FOXN3: variants seen among roughly 807,000 people sequenced by gnomAD.
FOXN3 encodes the protein forkhead box protein N3.
A neutral mutation model predicts 38.4 loss-of-function variants in FOXN3; 7 were observed. That is an observed-to-expected ratio of 0.18 (90% CI 0.10 to 0.34). FOXN3 has a LOEUF of 0.34. FOXN3 is among the 10% of genes least tolerant of loss of function. The probability of loss-of-function intolerance (pLI) is 1.00; values close to 1 mark genes in which losing one functional copy is unlikely to be tolerated. For missense variants in FOXN3, 456 were observed against 613.4 expected, an observed-to-expected ratio of 0.74 and a Z score of 2.71; for synonymous variants, 230 against 242.2, an observed-to-expected ratio of 0.95 and a Z score of 0.47.
intron 1 of FOXN3, among the ~76,000 whole-genome samples, chr14:89,531,060 T>C (rs761980128): frequency 6.8e-5 from 10 of 147,168 alleles, no homozygotes; most frequent in Admixed American, 1.4e-4. Context: ...TATATACACA[T>C]ATATATTATA....
chr14:89,299,193 C>T (rs928102633), intron 3 of FOXN3, among the ~76,000 whole-genome samples: 6 of 152,216 alleles, frequency 3.9e-5, no homozygotes, highest in Admixed American at 3.3e-4. Context: ...CTGTAATAAT[C>T]CCCAAGTGTC....
At chr14:89,410,123 A>C (rs906343181) in intron 2 of FOXN3, among the ~76,000 whole-genome samples, 17 of 150,636 alleles carry the variant, frequency 1.1e-4, no homozygotes, top group Non-Finnish European at 2.1e-4. Flanking sequence ...CATCTCAAAC[A>C]GAAACCGAGT....
At chr14:89,551,102 C>T (rs1596314902) in intron 1 of FOXN3, among the ~76,000 whole-genome samples, 1 of 152,100 alleles carries the variant, frequency 6.6e-6, no homozygotes, top group Non-Finnish European at 1.5e-5. Context: ...GTTCCTTGCC[C>T]GGGATAGAGG....
chr14:89,444,007 C>A (rs1167471059), intron 1 of FOXN3, among the ~76,000 whole-genome samples: 222 of 67,592 alleles, frequency 3.3e-3, no homozygotes, highest in Middle Eastern at 0.02. Flanking sequence ...GAAACTCTGT[C>A]AAAAAAAAAA....
At chr14:89,398,725 C>A (rs1018520600) in intron 2 of FOXN3, among the ~76,000 whole-genome samples, 2 of 152,180 alleles carry the variant, frequency 1.3e-5, no homozygotes, top group Non-Finnish European at 1.5e-5. Flanking sequence ...TGGCTTAACA[C>A]CTGTAATCCC....
At chr14:89,306,911 G>A (rs527666544) in intron 3 of FOXN3, among the ~76,000 whole-genome samples, 70 of 151,990 alleles carry the variant, frequency 4.6e-4, no homozygotes, top group African/African-American at 1.5e-3. Flanking sequence ...CATTTTATTG[G>A]GACACAACAC....
At chr14:89,287,109 A>T (rs1038641627) in intron 3 of FOXN3, among the ~76,000 whole-genome samples, 1 of 152,102 alleles carries the variant, frequency 6.6e-6, no homozygotes, top group Non-Finnish European at 1.5e-5. Flanking sequence ...ATGGGGGAAA[A>T]AAATTGCTTT....
intron 5 of FOXN3, among the ~76,000 whole-genome samples, chr14:89,165,861 G>T (rs1396029198): frequency 6.6e-6 from 1 of 152,202 alleles, no homozygotes; most frequent in Non-Finnish European, 1.5e-5. Flanking sequence ...AAGTATACTT[G>T]AAAGAGTAAA....
intron 2 of FOXN3, among the ~76,000 whole-genome samples, chr14:89,360,784 C>T (rs1889503489): frequency 1.3e-5 from 1 of 79,192 alleles, no homozygotes; most frequent in Non-Finnish European, 2.8e-5. Context: ...TCCACCACCA[C>T]CTCCACCACC....
chr14:89,446,087 C>CAAAA lies in FOXN3; in HGVS notation c.-14-33601_-14-33598dup, dbSNP rs576883864. Among the ~76,000 whole-genome samples the CAAAA allele has an allele frequency of 2.6e-3, 105 of 40,102 alleles. 3 individuals carry two copies. Among genetic ancestry groups the CAAAA allele is most frequent in the African/African-American group, 3.7e-3 (43 of 11,748 alleles). 26.3% of individuals were successfully genotyped at this position (40,102 alleles called of 152,430 possible). On this transcript the variant is annotated intron_variant, in intron 1 of 6. Transcript: ENST00000345097. ...TGGGTAACAGAGCGAGACCCTGCCT[C>CAAAA]AAAAAAAAAAAAAAAAAAAAAAAAT... is the stretch of plus-strand genomic sequence containing the variant.
chr14:89,360,792 A>T (rs1320245208), intron 2 of FOXN3, among the ~76,000 whole-genome samples: 3 of 105,038 alleles, frequency 2.9e-5, no homozygotes, highest in African/African-American at 4.7e-5. Flanking sequence ...CACCTCCACC[A>T]CCACCACCTC....
intron 4 of FOXN3, among the ~76,000 whole-genome samples, chr14:89,262,865 C>T (rs1885850153): frequency 6.6e-6 from 1 of 152,186 alleles, no homozygotes; most frequent in South Asian, 2.1e-4. Context: ...AAATGGTTCA[C>T]TGAACTGACA....
chr14:89,441,922 CTTTTTTTT>C (rs35118856), intron 1 of FOXN3, among the ~76,000 whole-genome samples: 15 of 75,412 alleles, frequency 2.0e-4, no homozygotes, highest in Non-Finnish European at 3.5e-4. Context: ...AACCGGCTGA[CTTTTTTTT>C]TTTTTTTTTT....
At chr14:89,572,429 AT>A (rs1301334673) in intron 1 of FOXN3, among the ~76,000 whole-genome samples, 40 of 152,358 alleles carry the variant, frequency 2.6e-4, no homozygotes, top group African/African-American at 9.6e-4. Context: ...AAGTTTAGAC[AT>A]GCTCATAGGA....
At position 89,257,648 on chromosome 14, in the gene FOXN3, G is replaced by A. The variant is rs114840726; in HGVS notation, c.745+23302C>T. Among the ~76,000 whole-genome samples the A allele has an allele frequency of 7.2e-3, 1,103 of 152,266 alleles. 19 individuals are homozygous for A. Among genetic ancestry groups the A allele is most frequent in the African/African-American group, 0.025 (1,029 of 41,540 alleles). On this transcript the variant is annotated intron_variant, in intron 4 of 5. Transcript: ENST00000557258. ...ACCTATAGTCCTAGCTTCTTGGGAG[G>A]CTGAGGCAGGAGGATCATTTGAGCA...
chr14:89,579,685 C>T (rs1448184165), intron 1 of FOXN3, among the ~76,000 whole-genome samples: 1 of 152,162 alleles, frequency 6.6e-6, no homozygotes, highest in Non-Finnish European at 1.5e-5. Flanking sequence ...ACCTCAGGAC[C>T]TTGGCATGTA....
rs920988188 is a variant in FOXN3, at chr14:89,160,261, A to T, written c.*2153T>A. On this transcript the variant is annotated 3_prime_UTR_variant, in exon 6 of 6. Transcript: ENST00000557258. The stretch of plus-strand genomic sequence containing the variant: ...AAAGAAAATTTCTTAGGCAAAGGTA[A>T]CAACAGGAGTTTCTGGGCTGCATGA... The T allele has an allele frequency of 1.2e-4, 16 of 129,738 alleles. No individual in the cohort carries two copies. In the Admixed American group the frequency reaches 1.3e-3, roughly 10 times the overall value. 8.0% of individuals were successfully genotyped at this position (129,738 alleles called of 1,614,324 possible).
At chr14:89,545,555 T>C (rs1894867614) in intron 1 of FOXN3, among the ~76,000 whole-genome samples, 1 of 152,164 alleles carries the variant, frequency 6.6e-6, no homozygotes, top group Admixed American at 6.5e-5. Context: ...TTAGTCAGTT[T>C]CCATGTTTCT....
At chr14:89,377,349 T>G (rs1890516128) in intron 2 of FOXN3, among the ~76,000 whole-genome samples, 2 of 141,276 alleles carry the variant, frequency 1.4e-5, no homozygotes, top group African/African-American at 5.6e-5. Context: ...ATAAAGGTCT[T>G]AGTGGACAAC....
Sources: allele counts gnomAD v4.1 joint callset (sites outside exome capture counted in the v4.1 genomes callset), GRCh38; gene constraint gnomAD v4.1.1; transcripts MANE v1.5; gene names NCBI Gene and HGNC (gene_info 2026-07-23, HGNC 2026-07-21).